HECW1: variants seen among roughly 807,000 people sequenced by gnomAD.
HECW1 encodes the protein HECT, C2 and WW domain containing E3 ubiquitin protein ligase 1.
A neutral mutation model predicts 182.3 loss-of-function variants in HECW1; 61 were observed. The ratio of observed to expected loss-of-function variants is 0.33; its 90% CI spans 0.27 to 0.41. The LOEUF (loss-of-function observed/expected upper bound fraction) is 0.41. Among genes scored for constraint, HECW1 ranks in the 10% least tolerant of loss-of-function variants. The probability of loss-of-function intolerance (pLI) is 1.00; values close to 1 mark genes in which losing one functional copy is unlikely to be tolerated. For missense variants in HECW1, 1,739 were observed against 2,108.9 expected (o/e 0.82, Z 3.44); for synonymous variants, 859 against 832.6 (o/e 1.03, Z -0.55).
chr7:43,278,894 C>T (rs1803523909), intron 3 of HECW1, among the ~76,000 whole-genome samples: 1 of 152,166 alleles, frequency 6.6e-6, no homozygotes, highest in Non-Finnish European at 1.5e-5. Context: ...TATAATTTAC[C>T]TAACTGTCTT....
intron 3 of HECW1, among the ~76,000 whole-genome samples, chr7:43,256,775 A>G (rs540908309): frequency 9.8e-5 from 15 of 152,300 alleles, no homozygotes; most frequent in African/African-American, 3.4e-4. Context: ...AATATTTCCT[A>G]GAACAGAACC....
intron 3 of HECW1, among the ~76,000 whole-genome samples, chr7:43,301,116 C>G (rs1806716254): frequency 6.6e-6 from 1 of 152,194 alleles, no homozygotes; most frequent in South Asian, 2.1e-4. Context: ...TGGCCCCCCA[C>G]TCTCCAATGG....
intron 3 of HECW1, among the ~76,000 whole-genome samples, chr7:43,280,811 T>C (rs1293466593): frequency 2.0e-5 from 3 of 152,104 alleles, no homozygotes; most frequent in Non-Finnish European, 4.4e-5. Flanking sequence ...CAGCCAACTA[T>C]ATCCTCAGGT....
At chr7:43,373,587 A>G (rs1584676736) in intron 6 of HECW1, among the ~76,000 whole-genome samples, 1 of 152,028 alleles carries the variant, frequency 6.6e-6, no homozygotes, top group African/African-American at 2.4e-5. Flanking sequence ...AATGGCTGGT[A>G]TAGTAGATTT....
chr7:43,506,079 A>T (rs1200175908), intron 21 of HECW1, among the ~76,000 whole-genome samples: 1 of 152,208 alleles, frequency 6.6e-6, no homozygotes, highest in Non-Finnish European at 1.5e-5. Context: ...AATGAGACAA[A>T]AGTTCTCCTC....
chr7:43,337,316 C>A (rs1353789150), intron 5 of HECW1, among the ~76,000 whole-genome samples: 1 of 152,102 alleles, frequency 6.6e-6, no homozygotes, highest in Non-Finnish European at 1.5e-5. Context: ...GTTTGTTGAC[C>A]ACTTGTATTT....
rs930105109 is a variant in HECW1, at chr7:43,243,855, C to G, written c.-31-20C>G. 6.3e-7 allele frequency: 1 copy of G among 1,599,672 alleles called. No individual in the cohort carries two copies. The highest frequency in any genetic ancestry group is 1.3e-5 in the African/African-American group (1 of 74,588). On this transcript the variant is annotated intron_variant, in intron 2 of 29. Transcript: ENST00000395891. This position sits in a 1 kb window ranked among gnomAD's most constrained non-coding sequence, Gnocchi z 4.0. ...TGCTTGGGATACACGCTAAGTTAAC[C>G]TCGTTGGACTTTTCCCCAGGAATTG...
chr7:43,530,885 G>A (rs2080955009), intron 24 of HECW1, among the ~76,000 whole-genome samples: 1 of 152,102 alleles, frequency 6.6e-6, no homozygotes, highest in African/African-American at 2.4e-5. Context: ...CTTCATATGG[G>A]TGCAAAGTGA....
intron 2 of HECW1, among the ~76,000 whole-genome samples, chr7:43,209,848 A>G (rs1393520612): frequency 6.6e-6 from 1 of 152,090 alleles, no homozygotes; most frequent in Non-Finnish European, 1.5e-5. Context: ...AATAGAGCAA[A>G]TCACAAGATG....
chr7:43,313,964 G>A (rs1276335378), intron 4 of HECW1, among the ~76,000 whole-genome samples: 1 of 152,118 alleles, frequency 6.6e-6, no homozygotes, highest in East Asian at 1.9e-4. Flanking sequence ...TTTGGTTTTG[G>A]TTTTGGTTTT....
Position 43,300,172 on chromosome 7 carries a change from A to C in HECW1, c.28-11591A>C, listed in dbSNP as rs184094125. ...CCCATTCTATCCTAAATCACTACAGATAGGCCTATTCTATACATATATTGC... is the reference window on the plus strand; with the variant it reads ...CCCATTCTATCCTAAATCACTACAGCTAGGCCTATTCTATACATATATTGC... On this transcript the variant is annotated intron_variant, in intron 3 of 29. Transcript: ENST00000395891. Among the ~76,000 whole-genome samples the C allele has an allele frequency of 3.3e-5, 5 of 152,360 alleles. No homozygotes were observed. In the East Asian group the frequency reaches 9.6e-4, roughly 29 times the overall value.
chr7:43,356,431 T>C (rs1263233249), intron 5 of HECW1, among the ~76,000 whole-genome samples: 1 of 152,108 alleles, frequency 6.6e-6, no homozygotes. Flanking sequence ...AGATCTAAAA[T>C]GAGAGATACA....
At chr7:43,270,089 A>G (rs546491280) in intron 3 of HECW1, among the ~76,000 whole-genome samples, 18 of 152,302 alleles carry the variant, frequency 1.2e-4, no homozygotes, top group African/African-American at 4.3e-4. Context: ...GATTTTTTTC[A>G]CTTACATTCT....
intron 3 of HECW1, among the ~76,000 whole-genome samples, chr7:43,283,893 C>G (rs749349126): frequency 1.3e-5 from 2 of 152,162 alleles, no homozygotes; most frequent in African/African-American, 2.4e-5. Flanking sequence ...CCTACCTGAG[C>G]GTGTCATTTC....
intron 3 of HECW1, among the ~76,000 whole-genome samples, chr7:43,269,171 T>C (rs935031936): frequency 1.3e-5 from 2 of 152,240 alleles, no homozygotes; most frequent in African/African-American, 4.8e-5. Flanking sequence ...GTCAGGCTTC[T>C]ACTTACTTCT....
intron 24 of HECW1, among the ~76,000 whole-genome samples, chr7:43,532,990 T>C (rs2081052464): frequency 6.6e-6 from 1 of 152,160 alleles, no homozygotes; most frequent in Non-Finnish European, 1.5e-5. Context: ...ATCACCTGTT[T>C]AGATATATTT....
At chr7:43,270,629 A>C (rs1474208310) in intron 3 of HECW1, among the ~76,000 whole-genome samples, 2 of 152,236 alleles carry the variant, frequency 1.3e-5, no homozygotes, top group Non-Finnish European at 2.9e-5. Flanking sequence ...AGGATAATTG[A>C]GACCATCTCA....
intron 3 of HECW1, among the ~76,000 whole-genome samples, chr7:43,260,103 C>CA (rs1376853543): frequency 6.6e-6 from 1 of 152,036 alleles, no homozygotes; most frequent in Admixed American, 6.6e-5. Context: ...GGAATAATGA[C>CA]AAAAAATTAT....
At chr7:43,325,665 A>G (rs1029337513) in intron 5 of HECW1, among the ~76,000 whole-genome samples, 5 of 151,958 alleles carry the variant, frequency 3.3e-5, no homozygotes, top group African/African-American at 1.2e-4. Flanking sequence ...ACAGCTGTCC[A>G]GGCATAAATG....
Sources: allele counts gnomAD v4.1 joint callset (sites outside exome capture counted in the v4.1 genomes callset), GRCh38; gene constraint gnomAD v4.1.1; non-coding constraint Gnocchi (gnomAD v3.1); transcripts MANE v1.5; gene names NCBI Gene and HGNC (gene_info 2026-07-23, HGNC 2026-07-21).